Variants in ZNF469 observed in about 807,000 individuals in gnomAD.
ZNF469 encodes zinc finger protein 469.
In ZNF469, 1 loss-of-function variant was observed where a neutral mutation model predicts 1.0. The ratio of observed to expected loss-of-function variants is 1.00; its 90% CI spans 0.35 to 4.73. ZNF469 has a LOEUF of 4.73. ZNF469 is among the 30% of genes most tolerant of loss of function. The pLI is 0.16. For synonymous variants in ZNF469, 2,703 were observed against 2,363.4 expected (o/e 1.14, Z -4.17); for missense variants, 6,100 against 5,356.3 (o/e 1.14, Z -4.33).
the ZNF469 span, among the ~76,000 whole-genome samples, chr16:88,276,956 T>G: frequency 6.6e-6 from 1 of 152,084 alleles, no homozygotes; most frequent in South Asian, 2.1e-4. Context: ...AGTGCGTGGT[T>G]AGTGCTGCGC....
the ZNF469 span, among the ~76,000 whole-genome samples, chr16:88,169,088 C>A: frequency 2.0e-5 from 3 of 151,830 alleles, no homozygotes; most frequent in Non-Finnish European, 4.4e-5. This position sits in a 1 kb window ranked among gnomAD's most constrained non-coding sequence, Gnocchi z 6.1. Context: ...GGGGACAGGC[C>A]GGAAGTGTGT....
chr16:88,260,899 G>A, the ZNF469 span, among the ~76,000 whole-genome samples: 10 of 152,172 alleles, frequency 6.6e-5, no homozygotes, highest in South Asian at 2.1e-4. This position sits in a 1 kb window ranked among gnomAD's most constrained non-coding sequence, Gnocchi z 4.1. Context: ...TTTAAGACAC[G>A]GAGAAAAGGA....
the ZNF469 span, among the ~76,000 whole-genome samples, chr16:88,140,663 G>C: frequency 3.9e-5 from 6 of 152,352 alleles, no homozygotes; most frequent in African/African-American, 1.4e-4. Context: ...CAGGCGCAGT[G>C]GCTCAGGCCT....
the ZNF469 span, among the ~76,000 whole-genome samples, chr16:88,107,061 C>T: frequency 1.9e-3 from 293 of 152,266 alleles, 1 homozygote; most frequent in Non-Finnish European, 3.4e-3. Context: ...GGCAGGCGGG[C>T]GGGGGTCTGC....
the ZNF469 span, among the ~76,000 whole-genome samples, chr16:88,141,377 C>G: frequency 8.8e-5 from 13 of 148,056 alleles, no homozygotes; most frequent in African/African-American, 2.6e-4. Flanking sequence ...GAGGTACCCC[C>G]GTCCTGGTCC....
the ZNF469 span, among the ~76,000 whole-genome samples, chr16:88,351,024 G>A: frequency 3.3e-5 from 5 of 152,340 alleles, no homozygotes; most frequent in African/African-American, 9.6e-5. Context: ...GCAGCAAGGC[G>A]ACCTGCCGCG....
chr16:88,221,314 C>T, the ZNF469 span, among the ~76,000 whole-genome samples: 15 of 152,198 alleles, frequency 9.9e-5, no homozygotes, highest in Non-Finnish European at 1.0e-4. Context: ...AGGGCTCGAG[C>T]GAGATAGCGC....
the ZNF469 span, among the ~76,000 whole-genome samples, chr16:88,284,109 G>A: frequency 5.4e-5 from 7 of 130,096 alleles, no homozygotes; most frequent in African/African-American, 2.3e-4. Flanking sequence ...CCCCGAGTGT[G>A]CCTGAGGTCT....
At chr16:88,325,166 C>T in the ZNF469 span, among the ~76,000 whole-genome samples, 2 of 116,964 alleles carry the variant, frequency 1.7e-5, no homozygotes, top group African/African-American at 6.6e-5. Context: ...GCGACATACA[C>T]AGGGCCTCAA....
the ZNF469 span, among the ~76,000 whole-genome samples, chr16:88,320,542 T>C: frequency 6.6e-6 from 1 of 152,126 alleles, no homozygotes; most frequent in Admixed American, 6.5e-5. Context: ...CACCACCATA[T>C]CTGGCTAGTT....
the ZNF469 span, among the ~76,000 whole-genome samples, chr16:88,277,495 C>A: frequency 6.7e-6 from 1 of 148,848 alleles, no homozygotes; most frequent in Non-Finnish European, 1.5e-5. Flanking sequence ...CACGCTGACA[C>A]TCGGTCAGTA....
At chr16:88,328,330 C>T in the ZNF469 span, among the ~76,000 whole-genome samples, 8 of 152,360 alleles carry the variant, frequency 5.3e-5, no homozygotes, top group Admixed American at 2.6e-4. Flanking sequence ...CTTGGCTGAA[C>T]CATATGACGG....
the ZNF469 span, among the ~76,000 whole-genome samples, chr16:88,118,586 C>G: frequency 1.1e-4 from 16 of 152,334 alleles, no homozygotes; most frequent in East Asian, 2.9e-3. Flanking sequence ...AGGCACACCC[C>G]GGGTGCTCCT....
the ZNF469 span, among the ~76,000 whole-genome samples, chr16:88,367,720 A>T: frequency 2.0e-5 from 3 of 152,204 alleles, no homozygotes; most frequent in African/African-American, 7.2e-5. Flanking sequence ...CACCATCCTG[A>T]GCCTCACTGG....
the ZNF469 span, among the ~76,000 whole-genome samples, chr16:88,108,279 A>G: frequency 1.3e-5 from 2 of 151,352 alleles, no homozygotes; most frequent in Admixed American, 6.6e-5. Flanking sequence ...ATGGAGGTGC[A>G]CAGAGGACGC....
chr16:88,433,920 G>C lies in ZNF469; in HGVS notation c.6450G>C (p.Leu2150=). 1 of 1,549,392 alleles carries C rather than the reference G, an allele frequency of 6.5e-7. No individual in the cohort carries two copies. The highest frequency in any genetic ancestry group is 1.2e-5 in the South Asian group (1 of 84,028). ...SRAQGGLGGQ[L]PASPSCRDPP... is the part of the protein sequence containing the mutation. The stretch of plus-strand genomic sequence containing the variant: ...CCCAAGGTGGGCTGGGGGGGCAGCT[G>C]CCAGCATCTCCGTCCTGCAGGGACC... The change falls in exon 3 of 3, where the codon CTG becomes CTC. Residue 2150 remains leucine, a synonymous_variant. Transcript: ENST00000565624.
At chr16:88,274,340 C>T in the ZNF469 span, among the ~76,000 whole-genome samples, 1 of 152,200 alleles carries the variant, frequency 6.6e-6, no homozygotes, top group Non-Finnish European at 1.5e-5. Context: ...GGTGATTGCA[C>T]AATGCCGGAA....
chr16:88,385,146 C>T lies in ZNF469; in HGVS notation c.-192+1892C>T, dbSNP rs549435391. ...CTGGGAGAAATTCAGTGGGTTTCTG[C>T]CCTTTCCTCGTGTTTGCTGAACGGA... On this transcript the variant is annotated intron_variant, in intron 1 of 2. Transcript: ENST00000565624. 9.9e-5 allele frequency among the ~76,000 whole-genome samples: 15 copies of T among 152,270 alleles called. No individual in the cohort carries two copies. In the South Asian group the frequency reaches 3.1e-3, roughly 32 times the overall value.
At chr16:88,233,313 C>A in the ZNF469 span, among the ~76,000 whole-genome samples, 1 of 152,206 alleles carries the variant, frequency 6.6e-6, no homozygotes, top group African/African-American at 2.4e-5. Flanking sequence ...AAATCGCCAA[C>A]CTTCAGCACT....
Sources: gnomAD v4.1 joint callset for allele counts (sites outside exome capture counted in the v4.1 genomes callset) on GRCh38, gnomAD v4.1.1 for gene constraint, Gnocchi (gnomAD v3.1) non-coding constraint, MANE v1.5 for transcripts, NCBI Gene and HGNC (gene_info 2026-07-23, HGNC 2026-07-21) for gene names.